The following GRIA4 variants were observed in gnomAD, a reference collection of about 807,000 sequenced individuals.
The protein encoded by GRIA4 is glutamate ionotropic receptor AMPA type subunit 4, also known as glutamate receptor 4.
GRIA4 carries 34 observed loss-of-function variants against 104.0 expected under a neutral mutation model. The observed-to-expected ratio is 0.33, with a 90% CI of 0.25 to 0.44. The LOEUF (loss-of-function observed/expected upper bound fraction) is 0.44. Ranked by LOEUF, GRIA4 falls within the 20% of genes least tolerant of loss-of-function variation. The probability of loss-of-function intolerance (pLI) is 1.00; values close to 1 mark genes in which losing one functional copy is unlikely to be tolerated. For synonymous variants in GRIA4, 386 were observed against 381.9 expected (o/e 1.01, Z -0.13); for missense variants, 750 against 1,096.5 (o/e 0.68, Z 4.46).
chr11:105,878,947 A>T (rs1945942986), intron 5 of GRIA4, among the ~76,000 whole-genome samples: 1 of 151,920 alleles, frequency 6.6e-6, no homozygotes, highest in Non-Finnish European at 1.5e-5. Context: ...TATGAAAAAA[A>T]CTCCTGCAAC....
chr11:105,680,083 T>C (rs914869285), intron 3 of GRIA4, among the ~76,000 whole-genome samples: 2 of 152,164 alleles, frequency 1.3e-5, no homozygotes, highest in African/African-American at 4.8e-5. Context: ...TTTGCCGGTT[T>C]ACCTAGAAGC....
chr11:105,721,998 A>G (rs1241406629), intron 3 of GRIA4, among the ~76,000 whole-genome samples: 1 of 152,212 alleles, frequency 6.6e-6, no homozygotes, highest in African/African-American at 2.4e-5. Flanking sequence ...TATAAATCAT[A>G]TGTATACTTG....
At chr11:105,937,981 G>C (rs768704824) in intron 14 of GRIA4, among the ~76,000 whole-genome samples, 1 of 151,998 alleles carries the variant, frequency 6.6e-6, no homozygotes, top group Admixed American at 6.6e-5. Context: ...GGCAGGGGGA[G>C]GAAATACTCA....
At chr11:105,836,531 C>T (rs75321324) in intron 4 of GRIA4, among the ~76,000 whole-genome samples, 7,089 of 152,170 alleles carry the variant, frequency 0.047, 380 homozygotes, top group African/African-American at 0.13. Flanking sequence ...AGGCATTCTT[C>T]CTTCTCTTAT....
At chr11:105,974,526 G>A (rs758682388) in intron 16 of GRIA4, 82 bp downstream of exon 16, 9 of 1,613,650 alleles carry the variant, frequency 5.6e-6, no homozygotes, top group East Asian at 2.2e-5. Context: ...AGGTTACAAC[G>A]TATATGGAAC....
At chr11:105,969,861 C>T (rs904851367) in intron 14 of GRIA4, among the ~76,000 whole-genome samples, 7 of 152,136 alleles carry the variant, frequency 4.6e-5, no homozygotes, top group African/African-American at 1.7e-4. Context: ...TACTCTGAGT[C>T]AGCTACTCTG....
intron 3 of GRIA4, among the ~76,000 whole-genome samples, chr11:105,682,895 C>A (rs1039688952): frequency 2.0e-5 from 3 of 152,106 alleles, no homozygotes; most frequent in African/African-American, 7.2e-5. Context: ...CTGGTGTGAG[C>A]AATGACAAAA....
intron 3 of GRIA4, among the ~76,000 whole-genome samples, chr11:105,672,839 A>G (rs900631800): frequency 1.5e-4 from 23 of 152,236 alleles, no homozygotes; most frequent in African/African-American, 5.5e-4. Context: ...AAACTTTATG[A>G]CTTTTACCAA....
At chr11:105,964,795 T>C (rs928580133) in intron 14 of GRIA4, among the ~76,000 whole-genome samples, 5 of 145,252 alleles carry the variant, frequency 3.4e-5, no homozygotes, top group Admixed American at 3.4e-4. Flanking sequence ...TTTTTTTTTG[T>C]TTTTTTTTTG....
intron 3 of GRIA4, among the ~76,000 whole-genome samples, chr11:105,661,074 AC>A (rs5794416): frequency 0.52 from 78,429 of 151,206 alleles, 20,597 homozygotes; most frequent in Admixed American, 0.61. Context: ...AAGCCCTAAC[AC>A]CAATTTTCAA....
intron 4 of GRIA4, among the ~76,000 whole-genome samples, chr11:105,770,621 GC>G (rs1413803166): frequency 5.3e-5 from 8 of 151,830 alleles, no homozygotes; most frequent in African/African-American, 1.9e-4. Flanking sequence ...CTGGAGAAAA[GC>G]AAAAAACGGG....
At chr11:105,684,578 G>C (rs772212512) in intron 3 of GRIA4, among the ~76,000 whole-genome samples, 1 of 143,786 alleles carries the variant, frequency 7.0e-6, no homozygotes, top group Non-Finnish European at 1.5e-5. Context: ...TTTATTTATT[G>C]ACTATATATT....
At chr11:105,798,695 G>C (rs1030988963) in intron 4 of GRIA4, among the ~76,000 whole-genome samples, 5 of 152,112 alleles carry the variant, frequency 3.3e-5, no homozygotes, top group Non-Finnish European at 5.9e-5. Flanking sequence ...GTTGAACTCA[G>C]AATATGTTTT....
chr11:105,647,901 G>A (rs1312414573), intron 3 of GRIA4, among the ~76,000 whole-genome samples: 1 of 151,944 alleles, frequency 6.6e-6, no homozygotes, highest in Non-Finnish European at 1.5e-5. Flanking sequence ...TGAGGTTGCA[G>A]TGAGCCATGA....
intron 3 of GRIA4, among the ~76,000 whole-genome samples, chr11:105,752,108 A>G (rs1940032797): frequency 6.6e-6 from 1 of 152,148 alleles, no homozygotes; most frequent in African/African-American, 2.4e-5. Flanking sequence ...ATGTTAAAAG[A>G]GTGATAAAAA....
In GRIA4 at chr11:105,660,285, G is replaced by A. The variant is rs192116785; in HGVS notation, c.247+47851G>A. Among the ~76,000 whole-genome samples, 104 of 151,790 alleles carry A rather than the reference G, an allele frequency of 6.9e-4. 1 individual carries two copies. Among genetic ancestry groups the A allele is most frequent in the Admixed American group, 2.4e-3 (36 of 15,172 alleles). ...AGAACCCAAAGGATAAAGAGCAGGT[G>A]CTAAAAAGGAAAAACTAGTTATCTA... is the stretch of plus-strand genomic sequence containing the variant. On this transcript the variant is annotated intron_variant, in intron 3 of 16. Coordinates refer to ENST00000282499, the MANE Select transcript of GRIA4 (RefSeq NM_000829.4).
intron 4 of GRIA4, among the ~76,000 whole-genome samples, chr11:105,843,104 G>A (rs1389957324): frequency 2.0e-5 from 3 of 152,072 alleles, no homozygotes; most frequent in Non-Finnish European, 4.4e-5. Context: ...TTTTGTTTTT[G>A]GGGTTTTTCA....
intron 3 of GRIA4, among the ~76,000 whole-genome samples, chr11:105,730,205 C>G (rs751684125): frequency 3.9e-5 from 6 of 152,046 alleles, no homozygotes; most frequent in African/African-American, 4.8e-5. Flanking sequence ...AATCAATGTG[C>G]AAAAATCAAA....
chr11:105,716,382 GTTTTAT>G (rs1384230516), intron 3 of GRIA4, among the ~76,000 whole-genome samples: 2 of 152,006 alleles, frequency 1.3e-5, no homozygotes, highest in African/African-American at 2.4e-5. Context: ...ACTTTTAGTT[GTTTTAT>G]TTATAACTGT....
Sources: allele counts gnomAD v4.1 joint callset (sites outside exome capture counted in the v4.1 genomes callset), GRCh38; gene constraint gnomAD v4.1.1; transcripts MANE v1.5; gene names NCBI Gene and HGNC (gene_info 2026-07-23, HGNC 2026-07-21).